LAMA5: variants seen among roughly 807,000 people sequenced by gnomAD.
LAMA5 encodes the protein laminin subunit alpha-5.
LAMA5 carries 260 observed loss-of-function variants against 433.4 expected under a neutral mutation model. The ratio of observed to expected loss-of-function variants is 0.60; its 90% CI spans 0.54 to 0.66. The LOEUF is 0.66. Among genes scored for constraint, LAMA5 ranks in the 30% least tolerant of loss-of-function variants. The probability of loss-of-function intolerance (pLI) is 0.00; values close to 1 mark genes in which losing one functional copy is unlikely to be tolerated. For missense variants in LAMA5, 5,378 were observed against 5,258.5 expected (o/e 1.02, Z -0.70); for synonymous variants, 2,620 against 2,226.6 (o/e 1.18, Z -4.97).
chr20:62,328,226 G>A lies in LAMA5; in HGVS notation c.4652+15C>T, dbSNP rs1012917462. 57 of 1,589,598 alleles carry A rather than the reference G, an allele frequency of 3.6e-5. No individual in the cohort carries two copies. Among genetic ancestry groups the A allele is most frequent in the Non-Finnish European group, 4.7e-5 (55 of 1,167,690 alleles). On this transcript the variant is annotated intron_variant, in intron 35 of 79. Coordinates refer to ENST00000252999, the MANE Select transcript of LAMA5 (RefSeq NM_005560.6). The stretch of plus-strand genomic sequence containing the variant: ...GGCCACCAGGGGCCGCGCTGACGCC[G>A]CTCTGGGCTCTCACTTGCACTGGCC...
At chr20:62,315,692 T>TAC (rs1986862805) in intron 58 of LAMA5, among the ~76,000 whole-genome samples, 1 of 152,118 alleles carries the variant, frequency 6.6e-6, no homozygotes. Context: ...CCCCAAGGCC[T>TAC]ACAGCCCTCC....
chr20:62,347,737 C>A (rs559628114), intron 6 of LAMA5, among the ~76,000 whole-genome samples: 2 of 152,330 alleles, frequency 1.3e-5, no homozygotes, highest in South Asian at 2.1e-4. Context: ...GGAGTCCCTG[C>A]CCCAGATCAG....
rs775695584 is a variant in LAMA5, at chr20:62,330,763, T to C, written c.3832A>G (p.Thr1278Ala). 2.6e-6 allele frequency: 4 copies of C among 1,561,706 alleles called. No homozygotes were observed. The South Asian group carries it at 3.5e-5, about 14-fold the overall frequency. Residue 1278 changes from threonine to alanine, a missense_variant, in exon 30 of 80, where the codon ACC becomes GCC. Physicochemically the swap from Thr to Ala is moderately conservative, Grantham distance 58 (BLOSUM62 0). Coordinates refer to ENST00000252999, the MANE Select transcript of LAMA5 (RefSeq NM_005560.6). ...PTAVDPDAEP[T>A]LLREPQATVV... is the part of the protein sequence containing the mutation. ...CTCACCTGGGGCTCACGCAGCAGGG[T>C]GGGCTCTGCATCAGGGTCCACAGCG...
rs1568937604 is a variant in LAMA5, at chr20:62,330,947, G to GGTGAGAGCACAGTGGGTGA, written c.3651-22_3651-4dup. The GGTGAGAGCACAGTGGGTGA allele has an allele frequency of 6.4e-7, 1 of 1,554,004 alleles. No individual in the cohort carries two copies. Among genetic ancestry groups the GGTGAGAGCACAGTGGGTGA allele is most frequent in the Non-Finnish European group, 8.7e-7 (1 of 1,149,070 alleles). ...AGCGCGAGGGCAGACAGGCGGCACTGGTGAGAGCACAGTGGGTGAGTCAGA... is the reference window on the plus strand; with the variant it reads ...AGCGCGAGGGCAGACAGGCGGCACTGGTGAGAGCACAGTGGGTGAGTGAGAGCACAGTGGGTGAGTCAGA... On this transcript the variant is annotated splice_region_variant and splice_polypyrimidine_tract_variant and intron_variant, in intron 29 of 79. Coordinates refer to ENST00000252999, the MANE Select transcript of LAMA5 (RefSeq NM_005560.6).
At chr20:62,362,304 G>A (rs528921595) in intron 2 of LAMA5, 96 bp downstream of exon 2, 27 of 1,243,302 alleles carry the variant, frequency 2.2e-5, no homozygotes, top group South Asian at 1.4e-4. Context: ...TCTCGCTCAC[G>A]GTGGAGACCT....
rs1424417551 is a variant in LAMA5 at position 62,318,964 on chromosome 20, T to C, written c.6921A>G (p.Pro2307=). The change falls in exon 52 of 80, where the codon CCA becomes CCG. Residue 2307 remains proline, a synonymous_variant. Transcript: ENST00000252999. ...GHLGLANASA[P]SGEQLLRTLA... ...GTGTCCGGAGCAGCTGCTCACCTGA[T>C]GGAGCCGAGGCATTGGCCAGCCCCA... is the stretch of plus-strand genomic sequence containing the variant. 1.3e-6 allele frequency: 2 copies of C among 1,595,224 alleles called. No individual in the cohort carries two copies. Among genetic ancestry groups the C allele is most frequent in the African/African-American group, 1.3e-5 (1 of 74,714 alleles).
At chr20:62,323,425 C>A in intron 45 of LAMA5, 31 bp downstream of exon 45, 1 of 1,500,606 alleles carries the variant, frequency 6.7e-7, no homozygotes, top group South Asian at 1.2e-5. Flanking sequence ...CAACCCTCCC[C>A]AGGGTGCATC....
Position 62,310,714 on chromosome 20 carries a change from G to A in LAMA5, c.10397C>T (p.Thr3466Ile), listed in dbSNP as rs369068970. 5.6e-6 allele frequency: 9 copies of A among 1,599,552 alleles called. No individual in the cohort carries two copies. Among genetic ancestry groups the A allele is most frequent in the Non-Finnish European group, 6.8e-6 (8 of 1,176,406 alleles). The change falls in exon 75 of 80, where the codon ACC (threonine) becomes ATC (isoleucine). Residue 3466 changes from threonine to isoleucine, a missense_variant. Physicochemically the swap from Thr to Ile is moderately conservative, Grantham distance 89. Coordinates refer to ENST00000252999, the MANE Select transcript of LAMA5 (RefSeq NM_005560.6). ...GGCCGGGAGGCCGCCCACAAAGAGG[G>A]TGTGGGGCTGGGGGTGCTCTGCCCC... is the stretch of plus-strand genomic sequence containing the variant. The part of the protein sequence containing the change: ...HQGAEHPQPH[T>I]LFVGGLPASS...
Position 62,332,747 on chromosome 20 carries a change from C to G in LAMA5, c.3283-30G>C, listed in dbSNP as rs375106555. The G allele has an allele frequency of 1.3e-4, 216 of 1,600,208 alleles. No individual in the cohort carries two copies. The African/African-American group carries it at 1.6e-3, about 12-fold the overall frequency. On this transcript the variant is annotated intron_variant, in intron 26 of 79. Transcript: ENST00000252999. ...AGGGAAGGCAGGGTGACGGGAGGCC[C>G]GCCACCCCTCGCCCTTCCCACCTCC...
At chr20:62,309,658 T>TAC in intron 79 of LAMA5, 58 bp downstream of exon 79, 1 of 397,600 alleles carries the variant, frequency 2.5e-6, no homozygotes, top group Admixed American at 8.3e-5. Context: ...GGTGGTAGGT[T>TAC]ACGCAGCACC....
chr20:62,352,479 C>T, intron 3 of LAMA5, 119 bp from the exon 4 acceptor site: 1 of 744,942 alleles, frequency 1.3e-6, no homozygotes, highest in Non-Finnish European at 2.2e-6. Context: ...GGCCAAGAGG[C>T]CGCGTGACAG....
In LAMA5 at chr20:62,309,264, C is replaced by T; in HGVS notation, c.*72G>A. 2.0e-6 allele frequency: 3 copies of T among 1,485,834 alleles called. No homozygotes were observed. Among genetic ancestry groups the T allele is most frequent in the Non-Finnish European group, 2.7e-6 (3 of 1,096,892 alleles). 92.0% of individuals were successfully genotyped at this position (1,485,834 alleles called of 1,614,324 possible). A position where few individuals can be genotyped will look rare whatever the true frequency, so the allele number is the denominator to read the frequency against. On this transcript the variant is annotated 3_prime_UTR_variant, in exon 80 of 80. Transcript: ENST00000252999. Reference sequence around the variant, plus strand: ...TAGAGCTTAGAGTCCAAATAGACACCTATGAGGCGAGCACAAGGGGCGGTG... The same window carrying T: ...TAGAGCTTAGAGTCCAAATAGACACTTATGAGGCGAGCACAAGGGGCGGTG...
At chr20:62,352,471 C>T (rs1984501564) in intron 3 of LAMA5, 111 bp from the exon 4 acceptor site, 1 of 788,614 alleles carries the variant, frequency 1.3e-6, no homozygotes. Context: ...CTCCCACAGG[C>T]CAAGAGGCCG....
intron 2 of LAMA5, among the ~76,000 whole-genome samples, chr20:62,358,417 C>T (rs375570082): frequency 6.6e-6 from 1 of 152,322 alleles, no homozygotes; most frequent in South Asian, 2.1e-4. Flanking sequence ...AGAGCCTGGC[C>T]GCAGCTGCAC....
In LAMA5 at chr20:62,350,656, G is replaced by A. The variant is rs192763932; in HGVS notation, c.956+1048C>T. 4.2e-4 allele frequency among the ~76,000 whole-genome samples: 64 copies of A among 152,274 alleles called. No homozygotes were observed. In the East Asian group the frequency reaches 0.012, roughly 28 times the overall value. On this transcript the variant is annotated intron_variant, in intron 6 of 79. Transcript: ENST00000252999. ...GATGAGCCCTGCCAGCTCCCTGCTG[G>A]GGGTCCAGGAGCCTCGTCACACACT...
At chr20:62,357,789 C>T (rs1227757859) in intron 2 of LAMA5, among the ~76,000 whole-genome samples, 3 of 152,196 alleles carry the variant, frequency 2.0e-5, no homozygotes, top group Non-Finnish European at 4.4e-5. Flanking sequence ...ACAGGAGCTC[C>T]CCAGCTGGAG....
At position 62,313,362 on chromosome 20, in the gene LAMA5, G is replaced by A. The variant is rs1263661735; in HGVS notation, c.8757C>T (p.Phe2919=). ...GCCTGTCCACAGCCGTGTCCAGCTGGAAGGTCCTCTCGAAGTTGTAGAGGC... is the reference window on the plus strand; with the variant it reads ...GCCTGTCCACAGCCGTGTCCAGCTGAAAGGTCCTCTCGAAGTTGTAGAGGC... ...VVSLYNFERT[F]QLDTAVDRPC... is the part of the protein sequence containing the mutation. Residue 2919 remains phenylalanine, a synonymous_variant, in exon 64 of 80, where the codon TTC becomes TTT. Coordinates refer to ENST00000252999, the MANE Select transcript of LAMA5 (RefSeq NM_005560.6). 6 of 1,583,806 alleles carry A rather than the reference G, an allele frequency of 3.8e-6. No homozygotes were observed. The highest frequency in any genetic ancestry group is 4.3e-6 in the Non-Finnish European group (5 of 1,165,686).
At chr20:62,342,299 T>C in intron 11 of LAMA5, 1 of 370,806 alleles carries the variant, frequency 2.7e-6, no homozygotes, top group African/African-American at 2.3e-5. Context: ...TGAAACTCCA[T>C]CTCAAAAAAA....
intron 50 of LAMA5, 73 bp from the exon 51 acceptor site, chr20:62,319,868 C>A: frequency 8.3e-7 from 1 of 1,206,148 alleles, no homozygotes. Context: ...GGCCTGGGGT[C>A]TGGGGGAGCG....
Sources: allele counts gnomAD v4.1 joint callset (sites outside exome capture counted in the v4.1 genomes callset), GRCh38; gene constraint gnomAD v4.1.1; transcripts MANE v1.5; gene names NCBI Gene and HGNC (gene_info 2026-07-23, HGNC 2026-07-21).